CBLB: variants seen among roughly 807,000 people sequenced by gnomAD.
The protein encoded by CBLB is Cbl proto-oncogene B, also known as E3 ubiquitin-protein ligase CBL-B.
CBLB carries 31 observed loss-of-function variants against 104.9 expected under a neutral mutation model. That is an observed-to-expected ratio of 0.30 (90% confidence interval 0.22 to 0.40). The LOEUF is 0.40. CBLB is among the 10% of genes least tolerant of loss of function. The probability of loss-of-function intolerance (pLI) is 1.00; values close to 1 mark genes in which losing one functional copy is unlikely to be tolerated. For synonymous variants in CBLB, 440 were observed against 422.6 expected, an observed-to-expected ratio of 1.04 and a Z score of -0.51; for missense variants, 1,062 against 1,214.6, an observed-to-expected ratio of 0.87 and a Z score of 1.87.
intron 2 of CBLB, among the ~76,000 whole-genome samples, chr3:105,865,338 GC>G (rs547689024): frequency 1.1e-3 from 165 of 152,108 alleles, no homozygotes; most frequent in Non-Finnish European, 2.0e-3. Context: ...TCTCCACAAA[GC>G]CCCTGGGTAC....
intron 3 of CBLB, among the ~76,000 whole-genome samples, chr3:105,846,127 A>G (rs2090215032): frequency 6.6e-6 from 1 of 152,072 alleles, no homozygotes; most frequent in South Asian, 2.1e-4. Context: ...GAGTAAATGT[A>G]TATGTTTATA....
At chr3:105,854,852 C>T (rs555192489) in intron 2 of CBLB, among the ~76,000 whole-genome samples, 16 of 151,888 alleles carry the variant, frequency 1.1e-4, no homozygotes, top group Non-Finnish European at 2.4e-4. Flanking sequence ...AGGCTGGTCT[C>T]GAACTCCTGA....
At chr3:105,721,886 T>G (rs752322891) in intron 9 of CBLB, among the ~76,000 whole-genome samples, 9 of 152,098 alleles carry the variant, frequency 5.9e-5, no homozygotes, top group Non-Finnish European at 8.8e-5. Context: ...AAAACTCCCC[T>G]TGTTATAAAA....
intron 18 of CBLB, among the ~76,000 whole-genome samples, chr3:105,660,485 C>T (rs1472814324): frequency 2.6e-5 from 4 of 152,038 alleles, no homozygotes; most frequent in Non-Finnish European, 5.9e-5. Context: ...AGCCACCGCA[C>T]CTGGCCCATA....
intron 3 of CBLB, among the ~76,000 whole-genome samples, chr3:105,803,690 AAATC>A (rs2083166074): frequency 6.6e-6 from 1 of 152,212 alleles, no homozygotes; most frequent in Non-Finnish European, 1.5e-5. Flanking sequence ...TCTTAGTAGA[AAATC>A]AAAATAATTT....
chr3:105,861,317 A>C (rs1247422150), intron 2 of CBLB, among the ~76,000 whole-genome samples: 1 of 148,422 alleles, frequency 6.7e-6, no homozygotes, highest in Non-Finnish European at 1.5e-5. Context: ...TAAATGCTAG[A>C]AGACTAGTTA....
intron 14 of CBLB, among the ~76,000 whole-genome samples, chr3:105,684,833 G>A (rs2066808459): frequency 6.6e-6 from 1 of 152,170 alleles, no homozygotes; most frequent in Non-Finnish European, 1.5e-5. Flanking sequence ...TTACAGGCGT[G>A]AGCCACCACG....
chr3:105,769,264 G>A (rs2078588319), intron 4 of CBLB, among the ~76,000 whole-genome samples: 1 of 152,096 alleles, frequency 6.6e-6, no homozygotes, highest in Admixed American at 6.5e-5. Context: ...GTTGCAGTGA[G>A]CCGAGATGGC....
In CBLB at chr3:105,657,078, T is replaced by C. The variant is rs1294901679; in HGVS notation, c.*1892A>G. ...GCTCAGAACCATCTGAAAAAATTCA[T>C]ACAAAAGCAGAAATTACCCAAGGCC... On this transcript the variant is annotated 3_prime_UTR_variant, in exon 19 of 19. Coordinates refer to ENST00000394030, the MANE Select transcript of CBLB (RefSeq NM_170662.5). 1 of 226,810 alleles carries C rather than the reference T, an allele frequency of 4.4e-6. No individual in the cohort carries two copies. The highest frequency in any genetic ancestry group is 8.8e-6 in the Non-Finnish European group (1 of 114,134). 14.0% of individuals were successfully genotyped at this position (226,810 alleles called of 1,614,324 possible).
At chr3:105,706,167 C>A (rs1364077531) in intron 10 of CBLB, among the ~76,000 whole-genome samples, 1 of 151,872 alleles carries the variant, frequency 6.6e-6, no homozygotes, top group Non-Finnish European at 1.5e-5. Flanking sequence ...ATAAATAAAT[C>A]TGAGTAGCTA....
At chr3:105,753,449 G>A (rs1403513809) in intron 4 of CBLB, among the ~76,000 whole-genome samples, 2 of 151,916 alleles carry the variant, frequency 1.3e-5, no homozygotes, top group Non-Finnish European at 2.9e-5. Flanking sequence ...ATGCAATTAT[G>A]TCCAGCTTCA....
intron 10 of CBLB, among the ~76,000 whole-genome samples, chr3:105,704,779 AGTCT>A (rs1347671387): frequency 6.7e-6 from 1 of 149,748 alleles, no homozygotes; most frequent in African/African-American, 2.4e-5. Flanking sequence ...TATCTAGGAA[AGTCT>A]GTCTGTACTT....
At chr3:105,682,441 G>A (rs2066427201) in intron 14 of CBLB, among the ~76,000 whole-genome samples, 1 of 152,132 alleles carries the variant, frequency 6.6e-6, no homozygotes, top group Non-Finnish European at 1.5e-5. Flanking sequence ...TTGGGTACAC[G>A]ACAAGTACAG....
intron 14 of CBLB, 131 bp from the exon 15 acceptor site, chr3:105,681,949 T>C (rs1206735446): frequency 1.5e-6 from 1 of 649,674 alleles, no homozygotes; most frequent in African/African-American, 1.8e-5. Flanking sequence ...TTTCTCAAAA[T>C]TACCAGTAAT....
chr3:105,812,035 A>T (rs2084380553), intron 3 of CBLB, among the ~76,000 whole-genome samples: 1 of 151,842 alleles, frequency 6.6e-6, no homozygotes, highest in African/African-American at 2.4e-5. Context: ...GTTTTTTTAA[A>T]TACTTGGTCT....
chr3:105,676,437 G>A (rs2065652254), intron 17 of CBLB, among the ~76,000 whole-genome samples: 1 of 152,026 alleles, frequency 6.6e-6, no homozygotes, highest in East Asian at 1.9e-4. Flanking sequence ...TATAGCTCTT[G>A]GAAAGCTTGA....
chr3:105,773,667 T>C (rs1182074837), intron 4 of CBLB, among the ~76,000 whole-genome samples: 1 of 152,218 alleles, frequency 6.6e-6, no homozygotes, highest in Non-Finnish European at 1.5e-5. Context: ...TATAAGTTAT[T>C]ATTCCAGAGT....
intron 9 of CBLB, among the ~76,000 whole-genome samples, chr3:105,721,493 A>C (rs879570078): frequency 2.0e-5 from 3 of 152,216 alleles, no homozygotes; most frequent in African/African-American, 4.8e-5. Context: ...GTGTCAAAAA[A>C]CAAAAAACAC....
At chr3:105,780,178 C>A (rs971101647) in intron 3 of CBLB, among the ~76,000 whole-genome samples, 1 of 151,498 alleles carries the variant, frequency 6.6e-6, no homozygotes, top group African/African-American at 2.4e-5. Flanking sequence ...AAAAAAAAAA[C>A]TTTCAATTTT....
Sources: allele counts gnomAD v4.1 joint callset (sites outside exome capture counted in the v4.1 genomes callset), GRCh38; gene constraint gnomAD v4.1.1; transcripts MANE v1.5; gene names NCBI Gene and HGNC (gene_info 2026-07-23, HGNC 2026-07-21).